The following TBXAS1 variants were observed in gnomAD, a reference collection of about 807,000 sequenced individuals.
TBXAS1 encodes the protein thromboxane A synthase 1, also known as thromboxane-A synthase.
TBXAS1 carries 48 observed loss-of-function variants against 60.7 expected under a neutral mutation model. The observed-to-expected ratio is 0.79, with a 90% CI of 0.63 to 1.01. TBXAS1 has a LOEUF of 1.01. Ranked by LOEUF, TBXAS1 falls within the 50% of genes least tolerant of loss-of-function variation. TBXAS1 has a pLI of 0.00. For synonymous variants in TBXAS1, 287 were observed against 269.7 expected (o/e 1.06, Z -0.63); for missense variants, 685 against 686.3 (o/e 1.00, Z 0.02).
chr7:139,821,414 G>A (rs1466880292), intron 4 of TBXAS1, among the ~76,000 whole-genome samples: 1 of 152,222 alleles, frequency 6.6e-6, no homozygotes, highest in Admixed American at 6.5e-5. Context: ...CAAAAGCCAA[G>A]TGAGTGGATG....
Position 139,953,395 on chromosome 7 carries a change from G to A in TBXAS1, c.478G>A (p.Asp160Asn), listed in dbSNP as rs771992790. The change falls in exon 6 of 13, where the codon GAC (aspartate) becomes AAC (asparagine). Residue 160 changes from aspartate (D) to asparagine (N), a missense_variant. Transcript: ENST00000448866. ...GGTTCCCCTCATCAGCCAAGCCTGC[G>A]ACCTTCTCCTGGCTCATTTAAAACG... is the stretch of plus-strand genomic sequence containing the variant. Reference protein sequence around the residue: ...EMVPLISQACDLLLAHLKRYA... With the variant: ...EMVPLISQACNLLLAHLKRYA... The A allele has an allele frequency of 8.1e-6, 13 of 1,613,998 alleles. No individual in the cohort carries two copies. Among genetic ancestry groups the A allele is most frequent in the African/African-American group, 6.7e-5 (5 of 74,920 alleles).
rs117392378 is a variant in TBXAS1 at position 139,799,785 on chromosome 7, C to G, written c.-80+12359C>G. On this transcript the variant is annotated intron_variant, in intron 4 of 16. Transcript: ENST00000336425. ...GACTCCTTCTATTTTAGCCAGCACA[C>G]ATGTTGTAGAACAACTTCCTTAATG... 3.3e-3 allele frequency among the ~76,000 whole-genome samples: 502 copies of G among 152,302 alleles called. 5 individuals carry two copies. The highest frequency in any genetic ancestry group is 4.6e-3 in the Non-Finnish European group (310 of 68,028).
At chr7:139,923,113 T>C (rs2117114449) in intron 4 of TBXAS1, among the ~76,000 whole-genome samples, 1 of 152,014 alleles carries the variant, frequency 6.6e-6, no homozygotes, top group South Asian at 2.1e-4. Context: ...AGGCCAGGAG[T>C]TTGAGACCAG....
At chr7:139,842,124 G>A (rs1799490644) in intron 1 of TBXAS1, among the ~76,000 whole-genome samples, 2 of 152,112 alleles carry the variant, frequency 1.3e-5, no homozygotes, top group South Asian at 4.1e-4. Flanking sequence ...ACTGGCATAC[G>A]AGTTGGTTTT....
rs560608449 is a variant in TBXAS1, at chr7:139,796,537, T to C, written c.-80+9111T>C. 4.6e-5 allele frequency among the ~76,000 whole-genome samples: 7 copies of C among 152,344 alleles called. No individual in the cohort carries two copies. The East Asian group carries it at 1.4e-3, about 29-fold the overall frequency. On this transcript the variant is annotated intron_variant, in intron 4 of 16. Coordinates refer to the TBXAS1 transcript ENST00000336425. ...GATGATTTTCAGGCCAGTGAAACTA[T>C]CCTGTCTGGTACTGCAATGGTGGAT... is the stretch of plus-strand genomic sequence containing the variant.
chr7:139,869,825 T>G (rs1584726523), intron 1 of TBXAS1, among the ~76,000 whole-genome samples: 1 of 152,188 alleles, frequency 6.6e-6, no homozygotes, highest in Admixed American at 6.5e-5. Context: ...ACAACTGGGG[T>G]TCATTGATTT....
chr7:139,968,811 T>C (rs1217750047), intron 9 of TBXAS1, among the ~76,000 whole-genome samples: 81 of 152,332 alleles, frequency 5.3e-4, no homozygotes, highest in Non-Finnish European at 4.4e-5. Flanking sequence ...AGGTAGTACG[T>C]TCAGTAAATT....
intron 4 of TBXAS1, among the ~76,000 whole-genome samples, chr7:139,919,016 C>T (rs1384655906): frequency 1.3e-5 from 2 of 152,042 alleles, no homozygotes; most frequent in East Asian, 3.9e-4. Flanking sequence ...GTAAAAGGGA[C>T]ACCTTTACTA....
At chr7:140,000,336 C>G (rs749445279) in intron 9 of TBXAS1, among the ~76,000 whole-genome samples, 18 of 152,090 alleles carry the variant, frequency 1.2e-4, no homozygotes, top group Admixed American at 3.9e-4. Context: ...GTCCCCGCAT[C>G]TCTACAAACA....
chr7:140,016,444 C>A, intron 11 of TBXAS1: 1 of 284,574 alleles, frequency 3.5e-6, no homozygotes, highest in Non-Finnish European at 7.0e-6. Flanking sequence ...ATGCAAGGAA[C>A]AAGGCAATTT....
intron 3 of TBXAS1, among the ~76,000 whole-genome samples, chr7:139,877,619 T>C (rs140646697): frequency 0.015 from 2,330 of 152,148 alleles, 34 homozygotes; most frequent in African/African-American, 0.034. Flanking sequence ...GACGGGATTT[T>C]GCCATGTTAG....
chr7:139,839,369 C>T (rs1799274728), intron 1 of TBXAS1, among the ~76,000 whole-genome samples: 1 of 152,090 alleles, frequency 6.6e-6, no homozygotes, highest in Admixed American at 6.5e-5. Flanking sequence ...ATTATTTCTT[C>T]CAGTGGAGTA....
At chr7:139,818,455 C>T (rs1798209804) in intron 4 of TBXAS1, among the ~76,000 whole-genome samples, 1 of 152,132 alleles carries the variant, frequency 6.6e-6, no homozygotes, top group Non-Finnish European at 1.5e-5. Context: ...AAGTGATCCA[C>T]CTGCTTTGGC....
At chr7:139,865,448 T>C (rs1429482432) in intron 1 of TBXAS1, among the ~76,000 whole-genome samples, 1 of 152,126 alleles carries the variant, frequency 6.6e-6, no homozygotes, top group African/African-American at 2.4e-5. Flanking sequence ...CACCCAGATA[T>C]GTGCGTGGAG....
intron 9 of TBXAS1, among the ~76,000 whole-genome samples, chr7:139,998,236 C>A (rs957346867): frequency 6.6e-6 from 1 of 152,190 alleles, no homozygotes; most frequent in Non-Finnish European, 1.5e-5. Flanking sequence ...GGAGAGGCCA[C>A]GGGTGTGCTT....
intron 3 of TBXAS1, among the ~76,000 whole-genome samples, chr7:139,890,243 T>G (rs1387597308): frequency 8.6e-6 from 1 of 116,604 alleles, no homozygotes; most frequent in Admixed American, 1.1e-4. Context: ...TGAGACAGAG[T>G]CTCGTTTTGT....
intron 7 of TBXAS1, among the ~76,000 whole-genome samples, chr7:139,955,819 G>C (rs188857038): frequency 5.9e-5 from 9 of 152,176 alleles, no homozygotes; most frequent in Admixed American, 2.0e-4. Context: ...CCTGGCATTG[G>C]TAATAAGTGG....
chr7:139,875,692 T>TATTTTCTATTATGTACGAC (rs1459891146), intron 3 of TBXAS1, 55 bp downstream of exon 3: 1 of 1,597,766 alleles, frequency 6.3e-7, no homozygotes, highest in African/African-American at 1.3e-5. Flanking sequence ...TTATGTACGA[T>TATTTTCTATTATGTACGAC]ATTTTGATTT....
At chr7:139,860,406 T>C (rs1211196215) in intron 1 of TBXAS1, among the ~76,000 whole-genome samples, 1 of 152,188 alleles carries the variant, frequency 6.6e-6, no homozygotes, top group African/African-American at 2.4e-5. Context: ...ACACTATAAG[T>C]TGGCGTGGTA....
Sources: gnomAD v4.1 joint callset for allele counts (sites outside exome capture counted in the v4.1 genomes callset) on GRCh38, gnomAD v4.1.1 for gene constraint, MANE v1.5 for transcripts, NCBI Gene and HGNC (gene_info 2026-07-23, HGNC 2026-07-21) for gene names.